UGT2A2: variants seen among roughly 807,000 people sequenced by gnomAD.
The protein encoded by UGT2A2 is UDP glucuronosyltransferase family 2 member A2.
UGT2A2 carries 60 observed loss-of-function variants against 50.7 expected under a neutral mutation model. The ratio of observed to expected loss-of-function variants is 1.18; its 90% CI spans 0.96 to 1.47. The LOEUF (loss-of-function observed/expected upper bound fraction) is 1.47, where lower values mean the gene tolerates loss of function less well. Among genes scored for constraint, UGT2A2 ranks in the 40% most tolerant of loss-of-function variants. UGT2A2 has a pLI of 0.00. For synonymous variants in UGT2A2, 242 were observed against 214.6 expected, an observed-to-expected ratio of 1.13 and a Z score of -1.11; for missense variants, 762 against 634.0, an observed-to-expected ratio of 1.20 and a Z score of -2.17.
At chr4:69,625,941 C>A (rs1721030061) in intron 1 of UGT2A2, among the ~76,000 whole-genome samples, 1 of 151,514 alleles carries the variant, frequency 6.6e-6, no homozygotes, top group African/African-American at 2.4e-5. Context: ...CACAAACTAT[C>A]ATCGAAGAGT....
intron 1 of UGT2A2, among the ~76,000 whole-genome samples, chr4:69,607,543 G>A (rs1308939026): frequency 1.3e-5 from 2 of 151,790 alleles, no homozygotes; most frequent in Non-Finnish European, 2.9e-5. Context: ...CAAAAGCAAT[G>A]GCAACAAAAG....
intron 1 of UGT2A2, among the ~76,000 whole-genome samples, chr4:69,624,624 T>G (rs1720931224): frequency 6.6e-6 from 1 of 151,414 alleles, no homozygotes; most frequent in Non-Finnish European, 1.5e-5. Context: ...TATTCTTTTT[T>G]TGCTCTACCT....
At position 69,599,130 on chromosome 4, in the gene UGT2A2, G is replaced by A. The variant is rs551843463; in HGVS notation, c.891+116C>T. On this transcript the variant is annotated intron_variant, in intron 2 of 5. Transcript: ENST00000604629. The stretch of plus-strand genomic sequence containing the variant: ...CTCTATCACAAGGAAAATAGATGTG[G>A]AGTAGCAAACTGAAATGTCCAGCAG... The A allele has an allele frequency of 1.5e-5, 21 of 1,395,804 alleles. No individual in the cohort carries two copies. In the East Asian group the frequency reaches 4.1e-4, roughly 27 times the overall value. The allele number at this position is 1,395,804 out of a possible 1,614,324, so 86.5% of individuals were successfully genotyped here. A position where few individuals can be genotyped will look rare whatever the true frequency, so the allele number is the denominator to read the frequency against.
intron 1 of UGT2A2, among the ~76,000 whole-genome samples, chr4:69,612,389 A>T (rs1185549118): frequency 6.6e-6 from 1 of 152,072 alleles, no homozygotes; most frequent in East Asian, 1.9e-4. Flanking sequence ...ACATAATTAG[A>T]TAAAAACTAT....
chr4:69,631,873 T>C lies in UGT2A2; in HGVS notation c.742+7026A>G, dbSNP rs189147866. Among the ~76,000 whole-genome samples, 14 of 152,276 alleles carry C rather than the reference T, an allele frequency of 9.2e-5. No homozygotes were observed. The East Asian group carries it at 2.7e-3, about 29-fold the overall frequency. On this transcript the variant is annotated intron_variant, in intron 1 of 5. Coordinates refer to ENST00000604629, the MANE Select transcript of UGT2A2 (RefSeq NM_001105677.2). ...TTCAATTTCTATTCTAACACAAGGC[T>C]ACCACTTCACACTACTTTTAGTTGG...
chr4:69,625,637 A>T (rs970054804), intron 1 of UGT2A2, among the ~76,000 whole-genome samples: 5 of 151,146 alleles, frequency 3.3e-5, no homozygotes, highest in Admixed American at 1.3e-4. Flanking sequence ...TTCTCATTAT[A>T]TGCTTACTTT....
chr4:69,636,279 G>A (rs903902155), intron 1 of UGT2A2, among the ~76,000 whole-genome samples: 1 of 152,134 alleles, frequency 6.6e-6, no homozygotes, highest in African/African-American at 2.4e-5. Context: ...ACATAATTAC[G>A]TAAAATTGTG....
intron 1 of UGT2A2, among the ~76,000 whole-genome samples, chr4:69,609,153 A>T (rs1719873322): frequency 1.4e-5 from 1 of 71,610 alleles, no homozygotes; most frequent in Non-Finnish European, 2.8e-5. Flanking sequence ...AGAATATATA[A>T]GATTTTTTTT....
chr4:69,594,995 C>A (rs145169417), intron 4 of UGT2A2, among the ~76,000 whole-genome samples, 167 bp downstream of exon 4: 52 of 152,212 alleles, frequency 3.4e-4, no homozygotes, highest in African/African-American at 1.3e-3. Context: ...CAGAGGAAGC[C>A]TGAGTCTATA....
In UGT2A2 at chr4:69,621,717, C is replaced by T. The variant is rs558291173; in HGVS notation, c.742+17182G>A. On this transcript the variant is annotated intron_variant, in intron 1 of 5. Coordinates refer to ENST00000604629, the MANE Select transcript of UGT2A2 (RefSeq NM_001105677.2). ...ACATGCATGTGAATGTTCATTTCAG[C>T]ATGATTCACAATAGCAAAAACATGA... Among the ~76,000 whole-genome samples the T allele has an allele frequency of 1.5e-4, 23 of 152,006 alleles. 1 individual carries two copies. Among genetic ancestry groups the T allele is most frequent in the South Asian group, 1.2e-3 (6 of 4,806 alleles).
intron 5 of UGT2A2, among the ~76,000 whole-genome samples, chr4:69,591,947 A>T (rs1718617389): frequency 6.6e-6 from 1 of 152,332 alleles, no homozygotes; most frequent in Admixed American, 6.5e-5. Context: ...TATGATTTCT[A>T]AAATTATGAC....
intron 1 of UGT2A2, among the ~76,000 whole-genome samples, chr4:69,636,346 T>C (rs1208621293): frequency 6.6e-6 from 1 of 152,152 alleles, no homozygotes; most frequent in Non-Finnish European, 1.5e-5. Context: ...ATCCTTTTGT[T>C]TGTGATGGCA....
Position 69,602,120 on chromosome 4 carries a change from A to G in UGT2A2, c.743-2726T>C, listed in dbSNP as rs1719330899. Reference sequence around the variant, plus strand: ...CAAAAGATATGAAAAAGTTGGACTCATTATAGTAATGAAATGATAGCTTAA... The same window carrying G: ...CAAAAGATATGAAAAAGTTGGACTCGTTATAGTAATGAAATGATAGCTTAA... On this transcript the variant is annotated intron_variant, in intron 1 of 5. Coordinates refer to ENST00000604629, the MANE Select transcript of UGT2A2 (RefSeq NM_001105677.2). Among the ~76,000 whole-genome samples, 2 of 136,970 alleles carry G rather than the reference A, an allele frequency of 1.5e-5. 1 individual carries two copies. Among genetic ancestry groups the G allele is most frequent in the African/African-American group, 5.9e-5 (2 of 33,926 alleles). The allele number at this position is 136,970 out of a possible 152,430, so 89.9% of individuals were successfully genotyped here. A position where few individuals can be genotyped will look rare whatever the true frequency, so the allele number is the denominator to read the frequency against.
chr4:69,625,663 A>T (rs373027379), intron 1 of UGT2A2, among the ~76,000 whole-genome samples: 1 of 151,252 alleles, frequency 6.6e-6, no homozygotes, highest in South Asian at 2.1e-4. Flanking sequence ...TCTTTTGGCC[A>T]TACCCTATTT....
chr4:69,604,659 C>T (rs1719494377), intron 1 of UGT2A2, among the ~76,000 whole-genome samples: 1 of 136,702 alleles, frequency 7.3e-6, no homozygotes, highest in South Asian at 2.4e-4. Context: ...CATCAGTGTG[C>T]TGTATTCAGG....
At chr4:69,630,837 C>T (rs182373630) in intron 1 of UGT2A2, among the ~76,000 whole-genome samples, 49 of 152,194 alleles carry the variant, frequency 3.2e-4, no homozygotes, top group African/African-American at 1.1e-3. Context: ...CACCCACATA[C>T]ACACAACACA....
rs1171270173 is a variant in UGT2A2, at chr4:69,599,337, G to C, written c.800C>G (p.Thr267Arg). 2.5e-6 allele frequency: 4 copies of C among 1,613,656 alleles called. No homozygotes were observed. The African/African-American group carries it at 5.3e-5, about 22-fold the overall frequency. Reference sequence around the variant, plus strand: ...ACGAGGAAATTCAAAATCCCAATATGTTCGGATTAACCAAATTTCAGCTTT... The same window carrying C: ...ACGAGGAAATTCAAAATCCCAATATCTTCGGATTAACCAAATTTCAGCTTT... Reference protein sequence around the residue: ...MGKAEIWLIRTYWDFEFPRPY... With the variant: ...MGKAEIWLIRRYWDFEFPRPY... The change falls in exon 2 of 6, where the codon ACA (threonine) becomes AGA (arginine). Residue 267 changes from threonine (T) to arginine (R), a missense_variant. By Grantham distance (71) the Thr-to-Arg change is moderately conservative. Coordinates refer to ENST00000604629, the MANE Select transcript of UGT2A2 (RefSeq NM_001105677.2).
chr4:69,636,635 T>C (rs1469366159), intron 1 of UGT2A2, among the ~76,000 whole-genome samples: 1 of 152,300 alleles, frequency 6.6e-6, no homozygotes, highest in East Asian at 1.9e-4. Flanking sequence ...GTTTAGTACA[T>C]ACCAGAAACC....
intron 1 of UGT2A2, among the ~76,000 whole-genome samples, chr4:69,627,597 G>GAAAA (rs1260396352): frequency 9.7e-5 from 12 of 123,710 alleles, no homozygotes; most frequent in African/African-American, 2.2e-4. Context: ...AAAGAAGAAA[G>GAAAA]AAAAGAAAGA....
Sources: gnomAD v4.1 joint callset for allele counts (sites outside exome capture counted in the v4.1 genomes callset) on GRCh38, gnomAD v4.1.1 for gene constraint, MANE v1.5 for transcripts, NCBI Gene and HGNC (gene_info 2026-07-23, HGNC 2026-07-21) for gene names.